The following PPP2R1B variants were observed in gnomAD, a reference collection of about 807,000 sequenced individuals.
PPP2R1B encodes protein phosphatase 2 scaffold subunit Abeta.
Under a neutral mutation model 72.7 loss-of-function variants are expected in PPP2R1B, and 58 were observed. That is an observed-to-expected ratio of 0.80 (90% CI 0.65 to 0.99). The LOEUF (loss-of-function observed/expected upper bound fraction) is 0.99, where lower values mean the gene tolerates loss of function less well. Ranked by LOEUF, PPP2R1B falls within the 50% of genes least tolerant of loss-of-function variation. The pLI, the probability that PPP2R1B is intolerant of heterozygous loss-of-function variation, is 0.00. For missense variants in PPP2R1B, 695 were observed against 733.6 expected, an observed-to-expected ratio of 0.95 and a Z score of 0.61; for synonymous variants, 256 against 264.6, an observed-to-expected ratio of 0.97 and a Z score of 0.32.
the PPP2R1B span, among the ~76,000 whole-genome samples, chr11:111,693,104 T>A: frequency 6.6e-6 from 1 of 152,004 alleles, no homozygotes. Flanking sequence ...GGGGCCAAGG[T>A]GGGCGGATCA....
downstream of PPP2R1B, among the ~76,000 whole-genome samples, chr11:111,736,090 G>T (rs771694135): frequency 6.6e-6 from 1 of 152,184 alleles, no homozygotes; most frequent in Admixed American, 6.5e-5. Context: ...AAATAGACAT[G>T]CCAGGGGTTG....
At position 111,765,766 on chromosome 11, in the gene PPP2R1B, G is replaced by C. The variant is rs77738559; in HGVS notation, c.115-382C>G. ...ACAGAGCGGATACACTACTCGTCCA[G>C]ATTAATCGGCCATCCCACCCCCGCT... On this transcript the variant is annotated intron_variant, in intron 1 of 14. Coordinates refer to ENST00000527614, the MANE Select transcript of PPP2R1B (RefSeq NM_002716.5). The C allele has an allele frequency of 8.6e-5, 41 of 477,440 alleles. No individual in the cohort carries two copies. The East Asian group carries it at 2.4e-3, about 28-fold the overall frequency. 29.6% of individuals were successfully genotyped at this position (477,440 alleles called of 1,614,324 possible). A position where few individuals can be genotyped will look rare whatever the true frequency, so the allele number is the denominator to read the frequency against.
At chr11:111,714,601 A>C in the PPP2R1B span, among the ~76,000 whole-genome samples, 2 of 152,202 alleles carry the variant, frequency 1.3e-5, no homozygotes, top group Non-Finnish European at 2.9e-5. Context: ...ATAGACTATT[A>C]AGGTCTAGGG....
intron 3 of PPP2R1B, among the ~76,000 whole-genome samples, chr11:111,763,128 G>A (rs539739298): frequency 2.0e-4 from 30 of 152,290 alleles, no homozygotes; most frequent in African/African-American, 7.2e-4. Flanking sequence ...CCTCCCTGAG[G>A]AGATGCATTG....
intron 12 of PPP2R1B, 144 bp from the exon 13 acceptor site, chr11:111,742,809 C>T: frequency 1.5e-6 from 1 of 649,636 alleles, no homozygotes; most frequent in Non-Finnish European, 2.3e-6. Flanking sequence ...ACACAAGAAT[C>T]ATTCAAATGA....
chr11:111,699,238 C>A, the PPP2R1B span, among the ~76,000 whole-genome samples: 1 of 152,116 alleles, frequency 6.6e-6, no homozygotes, highest in South Asian at 2.1e-4. Flanking sequence ...TGTTGTTCAC[C>A]AGGTTTAGAC....
At chr11:111,703,056 G>A in the PPP2R1B span, 17 of 651,808 alleles carry the variant, frequency 2.6e-5, no homozygotes, top group African/African-American at 3.6e-5. Context: ...TAAGTAGCCT[G>A]CATGTGTTCA....
At position 111,765,372 on chromosome 11, in the gene PPP2R1B, T is replaced by TCAACA. The variant is rs782320899; in HGVS notation, c.126_127insTGTTG (p.Ser43CysfsTer2). ...GCAATTGTTGATAACTTCTTAATAC[T>TCAACA]GTTGAGTCGGAGCTTCAGAAAAGAA... On this transcript the variant is annotated frameshift_variant, in exon 2 of 15. Transcript: ENST00000527614. LOFTEE classifies it high-confidence loss of function. 9.3e-6 allele frequency: 15 copies of TCAACA among 1,611,558 alleles called. No individual in the cohort carries two copies. Among genetic ancestry groups the TCAACA allele is most frequent in the Non-Finnish European group, 8.5e-7 (1 of 1,178,788 alleles).
rs782509844 is a variant in PPP2R1B, at chr11:111,755,327, C to T, written c.811G>A (p.Val271Ile). 12 of 1,611,202 alleles carry T rather than the reference C, an allele frequency of 7.4e-6. No individual in the cohort carries two copies. Among genetic ancestry groups the T allele is most frequent in the Middle Eastern group, 3.3e-4 (2 of 6,042 alleles). Reference protein sequence around the residue: ...RQAAEDKSWRVRYMVADRFSE... With the variant: ...RQAAEDKSWRIRYMVADRFSE... The stretch of plus-strand genomic sequence containing the variant: ...AATCTGTCAGCCACCATATAGCGAA[C>T]GCGCCAAGATTTATCTTCTGCTGCT... Residue 271 changes from valine (V) to isoleucine (I), a missense_variant, in exon 6 of 15, where the codon GTT becomes ATT. Val to Ile is a conservative substitution (Grantham distance 29). Coordinates refer to ENST00000527614, the MANE Select transcript of PPP2R1B (RefSeq NM_002716.5).
Position 111,739,268 on chromosome 11 carries a change from A to G in PPP2R1B, c.*2328T>C, listed in dbSNP as rs148514830. On this transcript the variant is annotated 3_prime_UTR_variant, in exon 15 of 15. Transcript: ENST00000527614. ...AGTAGAAGATAAAACAGACAAAAATACCAGCCTTACAGAGCTCCTAAAGCC... is the reference window on the plus strand; with the variant it reads ...AGTAGAAGATAAAACAGACAAAAATGCCAGCCTTACAGAGCTCCTAAAGCC... The G allele has an allele frequency of 7.2e-6, 7 of 972,086 alleles. No homozygotes were observed. The African/African-American group carries it at 1.2e-4, about 17-fold the overall frequency. 60.2% of individuals were successfully genotyped at this position (972,086 alleles called of 1,614,324 possible).
the PPP2R1B span, among the ~76,000 whole-genome samples, chr11:111,698,533 G>C: frequency 6.6e-6 from 1 of 152,312 alleles, no homozygotes; most frequent in South Asian, 2.1e-4. Context: ...CGTCAGCCCA[G>C]GAGTTGGAGA....
Position 111,759,163 on chromosome 11 carries a change from C to T in PPP2R1B, c.687+641G>A, listed in dbSNP as rs139466271. 2.2e-3 allele frequency among the ~76,000 whole-genome samples: 341 copies of T among 152,312 alleles called. 3 individuals carry two copies. The highest frequency in any genetic ancestry group is 0.016 in the South Asian group (78 of 4,826). On this transcript the variant is annotated intron_variant, in intron 5 of 14. Coordinates refer to ENST00000527614, the MANE Select transcript of PPP2R1B (RefSeq NM_002716.5). The stretch of plus-strand genomic sequence containing the variant: ...ACTCCACTACTGCTAACTATGCAAA[C>T]TTCAGCAAGTTACTTAAACTTTCTG...
downstream of PPP2R1B, among the ~76,000 whole-genome samples, chr11:111,737,161 A>G (rs1390808096): frequency 2.0e-5 from 3 of 152,228 alleles, no homozygotes; most frequent in Non-Finnish European, 4.4e-5. Context: ...TGTCCTCTGT[A>G]TGGGCCTCGC....
chr11:111,732,439 C>A (rs1944223287), intron 15 of PPP2R1B, among the ~76,000 whole-genome samples: 1 of 152,158 alleles, frequency 6.6e-6, no homozygotes, highest in African/African-American at 2.4e-5. Context: ...ACCTGTAATC[C>A]CAACACCTTG....
chr11:111,755,566 A>T, intron 5 of PPP2R1B, 116 bp from the exon 6 acceptor site: 4 of 843,890 alleles, frequency 4.7e-6, no homozygotes, highest in Non-Finnish European at 6.7e-6. Context: ...CACCTTATAT[A>T]GTTTCACGTC....
downstream of PPP2R1B, among the ~76,000 whole-genome samples, chr11:111,736,553 C>T (rs1944346356): frequency 6.6e-6 from 1 of 152,182 alleles, no homozygotes; most frequent in Non-Finnish European, 1.5e-5. Flanking sequence ...CCCAGCCCTT[C>T]CTCTCACTGT....
At chr11:111,722,504 G>A (rs1333847495), downstream of PPP2R1B, among the ~76,000 whole-genome samples, 1 of 152,244 alleles carries the variant, frequency 6.6e-6, no homozygotes, top group African/African-American at 2.4e-5. The surrounding 1 kb of genome is among the most constrained non-coding windows in gnomAD (Gnocchi z 4.4). Context: ...CTGCGGGCCC[G>A]ATGCTCTTTC....
chr11:111,712,185 ACTGT>A, the PPP2R1B span: 1 of 1,606,540 alleles, frequency 6.2e-7, no homozygotes. Flanking sequence ...ATGTTCCCAA[ACTGT>A]CTGTTCTTGC....
intron 4 of PPP2R1B, among the ~76,000 whole-genome samples, 178 bp downstream of exon 4, chr11:111,760,641 C>T (rs977988171): frequency 1.3e-5 from 2 of 151,756 alleles, no homozygotes; most frequent in African/African-American, 2.4e-5. Context: ...AGAGCAAGAC[C>T]TTATCTCTTA....
Sources: allele counts gnomAD v4.1 joint callset (sites outside exome capture counted in the v4.1 genomes callset), GRCh38; gene constraint gnomAD v4.1.1; non-coding constraint Gnocchi (gnomAD v3.1); transcripts MANE v1.5; gene names NCBI Gene and HGNC (gene_info 2026-07-23, HGNC 2026-07-21).